FANCA: variants seen among roughly 807,000 people sequenced by gnomAD.
FANCA encodes FA complementation group A.
In FANCA, 236 loss-of-function variants were observed where a neutral mutation model predicts 194.3. That is an observed-to-expected ratio of 1.21 (90% confidence interval 1.09 to 1.35). The LOEUF (loss-of-function observed/expected upper bound fraction) is 1.35, where lower values mean the gene tolerates loss of function less well. Among genes scored for constraint, FANCA ranks in the 40% most tolerant of loss-of-function variants. The pLI, the probability that FANCA is intolerant of heterozygous loss-of-function variation, is 0.00. For synonymous variants in FANCA, 1,014 were observed against 715.8 expected (o/e 1.42, Z -6.65); for missense variants, 2,628 against 1,813.9 (o/e 1.45, Z -8.15).
chr16:89,816,631 A>T lies in FANCA; in HGVS notation c.-16T>A. The T allele has an allele frequency of 6.6e-7, 1 of 1,517,852 alleles. No individual in the cohort carries two copies. The highest frequency in any genetic ancestry group is 8.8e-7 in the Non-Finnish European group (1 of 1,140,324). 94.0% of individuals were successfully genotyped at this position (1,517,852 alleles called of 1,614,324 possible). On this transcript the variant is annotated 5_prime_UTR_variant, in exon 1 of 43. Coordinates refer to ENST00000389301, the MANE Select transcript of FANCA (RefSeq NM_000135.4). ...AGTCGGACATGGCCTTGGCGCCTAC[A>T]GCCCCGGCGGCGGCTCCCTGCGCCC...
chr16:89,815,017 T>C (rs1321333836), intron 2 of FANCA, among the ~76,000 whole-genome samples: 1 of 152,198 alleles, frequency 6.6e-6, no homozygotes, highest in Non-Finnish European at 1.5e-5. Flanking sequence ...TGTGTGTAAG[T>C]AATGCTTCCC....
chr16:89,775,153 C>G (rs2143387657), intron 21 of FANCA, among the ~76,000 whole-genome samples: 1 of 152,140 alleles, frequency 6.6e-6, no homozygotes, highest in East Asian at 1.9e-4. Context: ...ATAGCGGCTC[C>G]CACAGGGAGA....
chr16:89,744,777 C>T, intron 36 of FANCA, 182 bp downstream of exon 36: 1 of 660,818 alleles, frequency 1.5e-6, no homozygotes, highest in African/African-American at 1.8e-5. Context: ...CTGCCTCGGC[C>T]TCCCCAGTAG....
chr16:89,771,579 A>T, intron 23 of FANCA, 99 bp downstream of exon 23: 1 of 1,408,200 alleles, frequency 7.1e-7, no homozygotes, highest in Non-Finnish European at 9.9e-7. Context: ...TAACTGAGCA[A>T]GTCAAACAGA....
rs897548553 is a variant in FANCA, at chr16:89,784,959, G to A, written c.1365C>T (p.Ser455=). The A allele has an allele frequency of 1.3e-5, 21 of 1,612,770 alleles. No individual in the cohort carries two copies. The highest frequency in any genetic ancestry group is 1.5e-5 in the Non-Finnish European group (18 of 1,179,004). The part of the protein sequence containing the change: ...FLSYADWFKA[S]FGSTRGYHGC... The stretch of plus-strand genomic sequence containing the variant: ...CATGGTAGCCTCGTGTGCTCCCAAA[G>A]GAGGCCTGTGTGGAGAGAAGAGCGT... The change falls in exon 15 of 43, where the codon TCC becomes TCT. Residue 455 remains serine (S), a synonymous_variant. Coordinates refer to ENST00000389301, the MANE Select transcript of FANCA (RefSeq NM_000135.4).
chr16:89,745,677 G>C (rs12921953), intron 35 of FANCA, among the ~76,000 whole-genome samples: 6 of 59,996 alleles, frequency 1.0e-4, no homozygotes, highest in African/African-American at 1.4e-4. Context: ...GGACCACACT[G>C]CCCTGAGCTG....
intron 28 of FANCA, chr16:89,762,805 A>G (rs2038996602): frequency 2.2e-6 from 1 of 449,836 alleles, no homozygotes; most frequent in East Asian, 7.2e-5. Context: ...TAAGTTTTTT[A>G]AAAACATTTT....
chr16:89,745,129 G>A, intron 35 of FANCA, 58 bp from the exon 36 acceptor site: 2 of 1,464,198 alleles, frequency 1.4e-6, no homozygotes, highest in Non-Finnish European at 9.2e-7. Context: ...CACCTCCGCT[G>A]CCCCAGCCAT....
At chr16:89,793,298 CT>C (rs1326727104) in intron 11 of FANCA, among the ~76,000 whole-genome samples, 7 of 152,182 alleles carry the variant, frequency 4.6e-5, no homozygotes, top group African/African-American at 1.4e-4. Context: ...AAGGAGCCCT[CT>C]GGTGGCCCTG....
chr16:89,778,464 TAAAAA>T (rs56664732), intron 20 of FANCA: 51 of 203,232 alleles, frequency 2.5e-4, no homozygotes, highest in Admixed American at 5.4e-4. Flanking sequence ...AGACTCCATC[TAAAAA>T]AAAAAAAAAA....
In FANCA at chr16:89,799,625, A is replaced by C; in HGVS notation, c.806T>G (p.Val269Gly). ...CTTACAAATCAGCATTCTCTGCAGT[A>C]CATCAACCGTGACCTGTCAAAATAG... ...PEKMPQVTVDVLQRMLIFALD... is the reference protein window; with the variant it reads ...PEKMPQVTVDGLQRMLIFALD... The change falls in exon 9 of 43, where the codon GTA (valine) becomes GGA (glycine). Residue 269 changes from valine to glycine, a missense_variant. Val to Gly is a moderately radical substitution (Grantham distance 109). Transcript: ENST00000389301. 6.2e-7 allele frequency: 1 copy of C among 1,613,628 alleles called. No homozygotes were observed. Among genetic ancestry groups the C allele is most frequent in the South Asian group, 1.1e-5 (1 of 91,070 alleles).
chr16:89,791,658 T>A (rs1176087285), intron 13 of FANCA, 122 bp from the exon 14 acceptor site: 7 of 1,378,224 alleles, frequency 5.1e-6, no homozygotes, highest in Non-Finnish European at 7.0e-6. Context: ...CACCAAGTTT[T>A]AAAAGACTAC....
intron 30 of FANCA, among the ~76,000 whole-genome samples, chr16:89,755,878 C>G (rs943280621): frequency 6.7e-6 from 1 of 150,314 alleles, no homozygotes; most frequent in Non-Finnish European, 1.5e-5. Flanking sequence ...CAGACACAGA[C>G]CGGAGCCGCC....
intron 7 of FANCA, among the ~76,000 whole-genome samples, chr16:89,803,675 G>T (rs1200345124): frequency 6.7e-6 from 1 of 149,646 alleles, no homozygotes; most frequent in Non-Finnish European, 1.5e-5. Flanking sequence ...CTGGGCTTGA[G>T]TGCAATGGTA....
intron 14 of FANCA, among the ~76,000 whole-genome samples, chr16:89,790,287 G>C (rs1034628844): frequency 2.6e-5 from 4 of 151,448 alleles, no homozygotes; most frequent in Admixed American, 6.6e-5. Flanking sequence ...CCAGCTACTC[G>C]GGAGGCGGAG....
chr16:89,739,657 T>C, intron 39 of FANCA, 104 bp from the exon 40 acceptor site: 1 of 1,509,746 alleles, frequency 6.6e-7, no homozygotes, highest in South Asian at 1.2e-5. Flanking sequence ...GAGGCCTGGC[T>C]GTGGGGATAG....
chr16:89,813,241 C>T (rs534068173), intron 3 of FANCA, among the ~76,000 whole-genome samples: 2 of 151,688 alleles, frequency 1.3e-5, no homozygotes, highest in African/African-American at 4.8e-5. Flanking sequence ...ATGGCAAAAC[C>T]CTGTCTCTAT....
At chr16:89,769,628 G>C (rs2039251042) in intron 26 of FANCA, 2 of 633,416 alleles carry the variant, frequency 3.2e-6, no homozygotes, top group Non-Finnish European at 5.6e-6. Flanking sequence ...AGTATAATAT[G>C]ATCTCATTTT....
intron 2 of FANCA, among the ~76,000 whole-genome samples, 200 bp downstream of exon 2, chr16:89,815,677 T>C (rs1407412684): frequency 6.6e-6 from 1 of 152,074 alleles, no homozygotes; most frequent in Non-Finnish European, 1.5e-5. Flanking sequence ...TGTTGTTGTT[T>C]TGTTTTTAAT....
Sources: gnomAD v4.1 joint callset for allele counts (sites outside exome capture counted in the v4.1 genomes callset) on GRCh38, gnomAD v4.1.1 for gene constraint, MANE v1.5 for transcripts, NCBI Gene and HGNC (gene_info 2026-07-23, HGNC 2026-07-21) for gene names.